VCPKMT: variants seen among roughly 807,000 people sequenced by gnomAD.
VCPKMT encodes protein N-lysine methyltransferase METTL21D.
A neutral mutation model predicts 28.6 loss-of-function variants in VCPKMT; 32 were observed. The ratio of observed to expected loss-of-function variants is 1.12; its 90% CI spans 0.84 to 1.50. The LOEUF is 1.50. Among genes scored for constraint, VCPKMT ranks in the 40% most tolerant of loss-of-function variants. The pLI is 0.00. For missense variants in VCPKMT, 366 were observed against 285.0 expected, an observed-to-expected ratio of 1.28 and a Z score of -2.05; for synonymous variants, 138 against 111.4, an observed-to-expected ratio of 1.24 and a Z score of -1.50.
downstream of VCPKMT, chr14:50,106,695 A>C (rs17122128): frequency 6.0e-4 from 582 of 962,314 alleles, 16 homozygotes; most frequent in East Asian, 0.054. Flanking sequence ...TTGAATCTCT[A>C]GTTACTTCCT....
intron 4 of VCPKMT, 76 bp downstream of exon 4, chr14:50,114,209 T>C: frequency 7.5e-7 from 1 of 1,327,234 alleles, no homozygotes. Context: ...AAAATTACCA[T>C]AATATACTTG....
At chr14:50,107,116 G>A (rs1187855638), downstream of VCPKMT, among the ~76,000 whole-genome samples, 4 of 152,184 alleles carry the variant, frequency 2.6e-5, no homozygotes, top group South Asian at 2.1e-4. Context: ...GGACTCCTCC[G>A]AAAGGAGACC....
Position 50,109,466 on chromosome 14 carries a change from G to T in VCPKMT, c.*233C>A. 8.1e-7 allele frequency: 1 copy of T among 1,233,756 alleles called. No individual in the cohort carries two copies. The highest frequency in any genetic ancestry group is 1.0e-6 in the Non-Finnish European group (1 of 987,968). 76.4% of individuals were successfully genotyped at this position (1,233,756 alleles called of 1,614,324 possible). A position where few individuals can be genotyped will look rare whatever the true frequency, so the allele number is the denominator to read the frequency against. On this transcript the variant is annotated 3_prime_UTR_variant, in exon 6 of 6. Coordinates refer to ENST00000395860, the MANE Select transcript of VCPKMT (RefSeq NM_024558.3). ...TCCCAACATTTAAGAAGAACTTGAT[G>T]CTGAACTAAGTAACCTAAGCTGGAT...
chr14:50,108,365 C>T (rs76624508), downstream of VCPKMT, among the ~76,000 whole-genome samples: 29,375 of 151,960 alleles, frequency 0.19, 3,055 homozygotes, highest in East Asian at 0.48. Context: ...TTAATAACAG[C>T]TAGCACTATC....
intron 1 of VCPKMT, 29 bp from the exon 2 acceptor site, chr14:50,116,208 G>A: frequency 1.2e-6 from 2 of 1,613,454 alleles, no homozygotes; most frequent in Non-Finnish European, 8.5e-7. Flanking sequence ...TGAGGTGTAG[G>A]CACAGGGGGG....
chr14:50,106,542 G>C (rs778163039), downstream of VCPKMT: 3 of 985,134 alleles, frequency 3.0e-6, no homozygotes, highest in Non-Finnish European at 3.6e-6. Flanking sequence ...CAGGCTGGCA[G>C]AGTGCATCTT....
chr14:50,114,966 T>C (rs1883001473), intron 3 of VCPKMT, among the ~76,000 whole-genome samples: 1 of 152,210 alleles, frequency 6.6e-6, no homozygotes, highest in African/African-American at 2.4e-5. Context: ...GACTGCATTT[T>C]GGAGTTCTCA....
chr14:50,114,244 A>G, intron 4 of VCPKMT, 41 bp downstream of exon 4: 1 of 1,456,404 alleles, frequency 6.9e-7, no homozygotes, highest in South Asian at 1.6e-5. Flanking sequence ...GCCCCCCTGA[A>G]GGGAAATCAC....
intron 4 of VCPKMT, chr14:50,113,352 C>T (rs1882838715): frequency 6.6e-6 from 1 of 151,988 alleles, no homozygotes; most frequent in South Asian, 2.1e-4. Flanking sequence ...AATAAACAAA[C>T]ATTTTAGTAT....
the VCPKMT span, among the ~76,000 whole-genome samples, chr14:50,102,906 A>C: frequency 6.6e-6 from 1 of 152,254 alleles, no homozygotes; most frequent in African/African-American, 2.4e-5. Context: ...GCAAACAGAA[A>C]GGCCTTGCAA....
chr14:50,115,923 CAA>C lies in VCPKMT; in HGVS notation c.378-14_378-13del, dbSNP rs1883144823. On this transcript the variant is annotated splice_polypyrimidine_tract_variant and intron_variant, in intron 2 of 5. Transcript: ENST00000395860. ...CTATTTCTTCCCCCCTTAAAAATGC[CAA>C]ACAAATATTTCAATTGTTTTAATAA... is the stretch of plus-strand genomic sequence containing the variant. 6.2e-7 allele frequency: 1 copy of C among 1,612,732 alleles called. No individual in the cohort carries two copies. Among genetic ancestry groups the C allele is most frequent in the African/African-American group, 1.3e-5 (1 of 74,904 alleles).
the VCPKMT span, among the ~76,000 whole-genome samples, chr14:50,103,051 C>G: frequency 6.6e-6 from 1 of 152,130 alleles, no homozygotes; most frequent in Non-Finnish European, 1.5e-5. Context: ...GATTTTTTTG[C>G]AATTTTTTAA....
rs538606873 is a variant in VCPKMT, at chr14:50,115,917, A to C, written c.378-6T>G. ...AGCCTTCTATTTCTTCCCCCCTTAA[A>C]AATGCCAAACAAATATTTCAATTGT... On this transcript the variant is annotated splice_polypyrimidine_tract_variant and splice_region_variant and intron_variant, in intron 2 of 5. Transcript: ENST00000395860. 4.0e-5 allele frequency: 64 copies of C among 1,613,248 alleles called. No homozygotes were observed. The Middle Eastern group carries it at 6.6e-4, about 17-fold the overall frequency.
At chr14:50,110,892 A>G (rs867880899) in intron 5 of VCPKMT, among the ~76,000 whole-genome samples, 2 of 152,220 alleles carry the variant, frequency 1.3e-5, no homozygotes, top group Admixed American at 6.5e-5. Flanking sequence ...TGAGTGAAAG[A>G]AGACAGTCAC....
In VCPKMT at chr14:50,116,397, G is replaced by C; in HGVS notation, c.156C>G (p.Tyr52Ter). 1 of 1,613,904 alleles carries C rather than the reference G, an allele frequency of 6.2e-7. No homozygotes were observed. Among genetic ancestry groups the C allele is most frequent in the Non-Finnish European group, 8.5e-7 (1 of 1,179,920 alleles). ...CGCCAGAAAACTCGGGCGTTTCCAG[G>C]TATTTAGAAAGGACAATGGCAGCGT... ...VWDAAIVLSK[Y>*]LETPEFSGDG... The change falls in exon 1 of 6, where the codon TAC becomes TAG. Residue 52 changes from tyrosine (Y) to a stop codon, truncating the protein, a stop_gained. Coordinates refer to ENST00000395860, the MANE Select transcript of VCPKMT (RefSeq NM_024558.3). LOFTEE classifies it high-confidence loss of function.
In VCPKMT at chr14:50,116,537, C is replaced by T. The variant is rs148473841; in HGVS notation, c.16G>A (p.Glu6Lys). 2.2e-5 allele frequency: 36 copies of T among 1,610,344 alleles called. No individual in the cohort carries two copies. Among genetic ancestry groups the T allele is most frequent in the Non-Finnish European group, 3.1e-5 (36 of 1,178,092 alleles). Residue 6 changes from glutamate to lysine, a missense_variant, in exon 1 of 6, where the codon GAG becomes AAG. Transcript: ENST00000395860. ...CGCAGTGGGTCCTCCAGCGAGGACT[C>T]CAGCGTATCCGCCATTGCGCCCGGC... Reference protein sequence around the residue: MADTLESSLEDPLRSF... With the variant: MADTLKSSLEDPLRSF...
intron 5 of VCPKMT, 25 bp downstream of exon 5, chr14:50,112,590 A>C (rs760224475): frequency 4.2e-6 from 6 of 1,424,650 alleles, no homozygotes; most frequent in Non-Finnish European, 4.8e-6. Context: ...TCCTTGGAGA[A>C]TGAAGAACTG....
At chr14:50,115,805 CTAAGTG>C (rs1204546659) in intron 3 of VCPKMT, 28 bp downstream of exon 3, 1 of 1,576,604 alleles carries the variant, frequency 6.3e-7, no homozygotes, top group East Asian at 2.3e-5. Context: ...GGTTCATCTT[CTAAGTG>C]AAGAGACTTC....
Position 50,109,624 on chromosome 14 carries a change from G to A in VCPKMT, c.*75C>T. The A allele has an allele frequency of 6.6e-7, 1 of 1,522,194 alleles. No individual in the cohort carries two copies. The allele number at this position is 1,522,194 out of a possible 1,614,324, so 94.3% of individuals were successfully genotyped here. A position where few individuals can be genotyped will look rare whatever the true frequency, so the allele number is the denominator to read the frequency against. ...AAATCTGTGAACACAATCTTCCCAT[G>A]CTGTATTCACATGCTCTATTCACAT... On this transcript the variant is annotated 3_prime_UTR_variant, in exon 6 of 6. Coordinates refer to ENST00000395860, the MANE Select transcript of VCPKMT (RefSeq NM_024558.3).
Sources: allele counts gnomAD v4.1 joint callset (sites outside exome capture counted in the v4.1 genomes callset), GRCh38; gene constraint gnomAD v4.1.1; transcripts MANE v1.5; gene names NCBI Gene and HGNC (gene_info 2026-07-23, HGNC 2026-07-21).